The following ZBED1 variants were observed in gnomAD, a reference collection of about 807,000 sequenced individuals.
ZBED1 encodes zinc finger BED-type containing 1.
In ZBED1, 19 loss-of-function variants were observed where a neutral mutation model predicts 49.7. The observed-to-expected ratio is 0.38, with a 90% CI of 0.27 to 0.56. The LOEUF (loss-of-function observed/expected upper bound fraction) is 0.56. Among genes scored for constraint, ZBED1 ranks in the 20% least tolerant of loss-of-function variants. ZBED1 has a pLI of 0.70. For missense variants in ZBED1, 806 were observed against 972.6 expected, an observed-to-expected ratio of 0.83 and a Z score of 2.28; for synonymous variants, 439 against 440.3, an observed-to-expected ratio of 1.00 and a Z score of 0.04.
Position 2,490,211 on chromosome X carries a change from G to A in ZBED1, c.509C>T (p.Thr170Ile). 1 of 1,613,974 alleles carries A rather than the reference G, an allele frequency of 6.2e-7. No individual in the cohort carries two copies. The highest frequency in any genetic ancestry group is 8.5e-7 in the Non-Finnish European group (1 of 1,179,872). ...YELPSRKYIS[T>I]KAIPEKYGAV... is the part of the protein sequence containing the mutation. ...CCCGTACTTCTCAGGGATGGCCTTG[G>A]TAGAGATGTACTTCCGGCTGGGCAG... The change falls in exon 2 of 2, where the codon ACC (threonine) becomes ATC (isoleucine). Residue 170 changes from threonine to isoleucine, a missense_variant. Physicochemically the swap from Thr to Ile is moderately conservative, Grantham distance 89. Coordinates refer to ENST00000652001, the MANE Select transcript of ZBED1 (RefSeq NM_001171136.2).
chrX:2,490,895 C>T (rs1289331230), intron 1 of ZBED1, 123 bp from the exon 2 acceptor site: 20 of 815,112 alleles, frequency 2.5e-5, no homozygotes, highest in Non-Finnish European at 3.7e-5. Context: ...TGGGGCCGGA[C>T]GGCTGGACCT....
In ZBED1 at chrX:2,490,278, T is replaced by C. The variant is rs140653056; in HGVS notation, c.442A>G (p.Thr148Ala). The part of the protein sequence containing the change: ...LYPASIVDEP[T>A]FKVLLKTADP... ...GCCGTCTTCAGCAGCACCTTGAAGG[T>C]GGGCTCGTCCACGATGGAGGCTGGG... is the stretch of plus-strand genomic sequence containing the variant. Residue 148 changes from threonine to alanine, a missense_variant, in exon 2 of 2, where the codon ACC (threonine) becomes GCC (alanine). By Grantham distance (58) the Thr-to-Ala change is moderately conservative. This residue lies in a region of ZBED1 where 749 missense variants were observed against 861.3 expected (regional missense o/e 0.87). Coordinates refer to ENST00000652001, the MANE Select transcript of ZBED1 (RefSeq NM_001171136.2). The C allele has an allele frequency of 1.0e-3, 1,637 of 1,613,718 alleles. 2 individuals carry two copies. The highest frequency in any genetic ancestry group is 1.2e-3 in the Non-Finnish European group (1,467 of 1,179,858).
In ZBED1 at chrX:2,488,681, C is replaced by A. The variant is rs201308386; in HGVS notation, c.2039G>T (p.Gly680Val). Residue 680 changes from glycine (G) to valine (V), a missense_variant, in exon 2 of 2, where the codon GGC becomes GTC. Gly to Val is a moderately radical substitution (Grantham distance 109). Transcript: ENST00000652001. Reference sequence around the variant, plus strand: ...AATGCCAAAGAAACCGCCGCTGACGCCATCCCCCAAGGAGAACACCTGCTC... The same window carrying A: ...AATGCCAAAGAAACCGCCGCTGACGACATCCCCCAAGGAGAACACCTGCTC... ...DQEQVFSLGD[G>V]VSGGFFGIRD... 40 of 1,612,600 alleles carry A rather than the reference C, an allele frequency of 2.5e-5. No homozygotes were observed. The East Asian group carries it at 8.0e-4, about 32-fold the overall frequency.
At position 2,490,160 on chromosome X, in the gene ZBED1, T is replaced by G; in HGVS notation, c.560A>C (p.Glu187Ala). The G allele has an allele frequency of 6.2e-7, 1 of 1,613,956 alleles. No homozygotes were observed. The highest frequency in any genetic ancestry group is 8.5e-7 in the Non-Finnish European group (1 of 1,179,864). ...YGAVREVILK[E>A]LAEATWCGIS... ...GCCACACCAGGTGGCCTCGGCCAGC[T>G]CCTTCAGGATCACCTCCCGGACGGC... Residue 187 changes from glutamate (E) to alanine (A), a missense_variant, in exon 2 of 2, where the codon GAG becomes GCG. By Grantham distance (107) the Glu-to-Ala change is moderately radical. Transcript: ENST00000652001.
Position 2,489,231 on chromosome X carries a change from C to T in ZBED1, c.1489G>A (p.Val497Met), listed in dbSNP as rs761482977. 5.6e-6 allele frequency: 9 copies of T among 1,613,844 alleles called. No homozygotes were observed. The East Asian group carries it at 6.7e-5, about 12-fold the overall frequency. Residue 497 changes from valine to methionine, a missense_variant, in exon 2 of 2, where the codon GTG (valine) becomes ATG (methionine). By Grantham distance (21) the Val-to-Met change is conservative (BLOSUM62 1). This residue lies in a region of ZBED1 where 749 missense variants were observed against 861.3 expected (regional missense o/e 0.87). Coordinates refer to ENST00000652001, the MANE Select transcript of ZBED1 (RefSeq NM_001171136.2). Reference protein sequence around the residue: ...AFERQQVENRVVEEAKGLLDK... With the variant: ...AFERQQVENRMVEEAKGLLDK... ...AGCAGGCCCTTGGCCTCTTCCACCACGCGATTCTCCACCTGCTGCCGCTCG... is the reference window on the plus strand; with the variant it reads ...AGCAGGCCCTTGGCCTCTTCCACCATGCGATTCTCCACCTGCTGCCGCTCG...
Position 2,497,012 on chromosome X carries a change from A to G in ZBED1, c.-54+3805T>C, listed in dbSNP as rs760386975. The stretch of plus-strand genomic sequence containing the variant: ...AAATATGTTTTAAATTTCTGTTTTA[A>G]TGTCTAACAGGATGACTTATTGACT... On this transcript the variant is annotated intron_variant, in intron 1 of 1. Coordinates refer to ENST00000652001, the MANE Select transcript of ZBED1 (RefSeq NM_001171136.2). 3.2e-3 allele frequency among the ~76,000 whole-genome samples: 480 copies of G among 152,188 alleles called. 2 individuals carry two copies. The highest frequency in any genetic ancestry group is 0.011 in the African/African-American group (466 of 41,558).
Position 2,489,774 on chromosome X carries a change from G to C in ZBED1, c.946C>G (p.Arg316Gly). ...TGCTGGAAGTACTCCACCAGTTTGC[G>C]GCAGCGCGACAGCAGCGCCCCCAGC... ...PKLGALLSRC[R>G]KLVEYFQQSA... The change falls in exon 2 of 2, where the codon CGC becomes GGC. Residue 316 changes from arginine to glycine, a missense_variant. Arg to Gly is a moderately radical substitution (Grantham distance 125). Transcript: ENST00000652001. 1 of 1,613,368 alleles carries C rather than the reference G, an allele frequency of 6.2e-7. No individual in the cohort carries two copies. The highest frequency in any genetic ancestry group is 8.5e-7 in the Non-Finnish European group (1 of 1,179,858).
chrX:2,491,323 G>C (rs1228969794), intron 1 of ZBED1, among the ~76,000 whole-genome samples: 2 of 152,182 alleles, frequency 1.3e-5, no homozygotes, highest in Admixed American at 6.5e-5. Flanking sequence ...ACCCGCCTTG[G>C]CCTCCCAAAG....
intron 1 of ZBED1, among the ~76,000 whole-genome samples, chrX:2,498,885 T>C (rs1053821591): frequency 6.6e-6 from 1 of 152,150 alleles, no homozygotes; most frequent in African/African-American, 2.4e-5. Flanking sequence ...CAAACAAACA[T>C]GCTCTCCTGC....
In ZBED1 at chrX:2,490,323, G is replaced by C; in HGVS notation, c.397C>G (p.Leu133Val). 6.2e-7 allele frequency: 1 copy of C among 1,613,252 alleles called. No individual in the cohort carries two copies. The highest frequency in any genetic ancestry group is 1.1e-5 in the South Asian group (1 of 91,030). ...QQELTAAVLG[L>V]ICEGLYPASI... ...GCTGGGTACAGCCCCTCGCAGATGA[G>C]GCCCAGCACGGCGGCCGTCAGCTCC... Residue 133 changes from leucine to valine, a missense_variant, in exon 2 of 2, where the codon CTC (leucine) becomes GTC (valine). Leu to Val is a conservative substitution (Grantham distance 32). Coordinates refer to ENST00000652001, the MANE Select transcript of ZBED1 (RefSeq NM_001171136.2).
rs368093208 is a variant in ZBED1 at position 2,489,066 on chromosome X, A to T, written c.1654T>A (p.Phe552Ile). 3.1e-5 allele frequency: 50 copies of T among 1,613,744 alleles called. No homozygotes were observed. The highest frequency in any genetic ancestry group is 4.0e-5 in the Non-Finnish European group (47 of 1,179,852). The part of the protein sequence containing the change: ...SVINNMLAEI[F>I]CQTGGVEDQE... ...TCCTCCACGCCGCCTGTCTGGCAGAAGATCTCGGCCAGCATGTTGTTGATG... is the reference window on the plus strand; with the variant it reads ...TCCTCCACGCCGCCTGTCTGGCAGATGATCTCGGCCAGCATGTTGTTGATG... Residue 552 changes from phenylalanine (F) to isoleucine (I), a missense_variant, in exon 2 of 2, where the codon TTC (phenylalanine) becomes ATC (isoleucine). Transcript: ENST00000652001.
At chrX:2,494,670 C>G (rs2045238704) in intron 1 of ZBED1, among the ~76,000 whole-genome samples, 2 of 151,790 alleles carry the variant, frequency 1.3e-5, no homozygotes, top group South Asian at 4.2e-4. Context: ...TGTCCCAGTA[C>G]CTGGACCAAA....
chrX:2,488,881 G>C lies in ZBED1; in HGVS notation c.1839C>G (p.Ala613=). The change falls in exon 2 of 2, where the codon GCC becomes GCG. Residue 613 remains alanine (A), a synonymous_variant. Transcript: ENST00000652001. ...KVLQKYWCVT[A]TRVAPERLFG... is the part of the protein sequence containing the mutation. ...AGAGACGCTCAGGGGCGACGCGCGT[G>C]GCCGTCACGCACCAGTACTTCTGCA... The C allele has an allele frequency of 2.5e-6, 4 of 1,611,980 alleles. No homozygotes were observed. Among genetic ancestry groups the C allele is most frequent in the Non-Finnish European group, 3.4e-6 (4 of 1,178,712 alleles).
Position 2,490,739 on chromosome X carries a change from G to A in ZBED1, c.-20C>T, listed in dbSNP as rs201123904. The A allele has an allele frequency of 2.8e-5, 45 of 1,603,902 alleles. No homozygotes were observed. The highest frequency in any genetic ancestry group is 6.8e-6 in the Non-Finnish European group (8 of 1,174,242). ...CTCCATTGCTTCTCCACCGGAGCCTGCCTGCTGGACGGCTGCTCATGCGTG... is the reference window on the plus strand; with the variant it reads ...CTCCATTGCTTCTCCACCGGAGCCTACCTGCTGGACGGCTGCTCATGCGTG... On this transcript the variant is annotated 5_prime_UTR_variant, in exon 2 of 2. Coordinates refer to ENST00000652001, the MANE Select transcript of ZBED1 (RefSeq NM_001171136.2).
At chrX:2,494,396 T>C (rs760007464) in intron 1 of ZBED1, among the ~76,000 whole-genome samples, 1 of 152,074 alleles carries the variant, frequency 6.6e-6, no homozygotes, top group South Asian at 2.1e-4. Context: ...ATTCTATTAT[T>C]ATTACTTTTG....
chrX:2,487,357 T>C lies in ZBED1; in HGVS notation c.*1278A>G, dbSNP rs1476285752. On this transcript the variant is annotated 3_prime_UTR_variant, in exon 2 of 2. Transcript: ENST00000652001. ...ACCGAAGACATAACCTCCGGACCCG[T>C]GAGCCACCCACTTTTGTTTTGTTTT... 4.7e-5 allele frequency: 7 copies of C among 148,306 alleles called. 1 individual carries two copies. The highest frequency in any genetic ancestry group is 6.7e-5 in the Admixed American group (1 of 14,946). The allele number at this position is 148,306 out of a possible 1,614,324, so 9.2% of individuals were successfully genotyped here.
At chrX:2,496,798 A>G (rs976260905) in intron 1 of ZBED1, among the ~76,000 whole-genome samples, 4 of 150,628 alleles carry the variant, frequency 2.7e-5, no homozygotes, top group African/African-American at 9.7e-5. Flanking sequence ...AAAAATATCA[A>G]TTGTTTTTAT....
Position 2,489,271 on chromosome X carries a change from G to C in ZBED1, c.1449C>G (p.Pro483=), listed in dbSNP as rs757340445. 2 of 1,613,974 alleles carry C rather than the reference G, an allele frequency of 1.2e-6. No homozygotes were observed. Among genetic ancestry groups the C allele is most frequent in the Non-Finnish European group, 1.7e-6 (2 of 1,179,850 alleles). ...TFLDPRYKRL[P]FLSAFERQQV... ...GCTGCCGCTCGAAGGCGGAGAGGAA[G>C]GGCAGCCTCTTGTAGCGGGGGTCCA... is the stretch of plus-strand genomic sequence containing the variant. The change falls in exon 2 of 2, where the codon CCC becomes CCG. Residue 483 remains proline, a synonymous_variant. Coordinates refer to ENST00000652001, the MANE Select transcript of ZBED1 (RefSeq NM_001171136.2).
In ZBED1 at chrX:2,500,877, C is replaced by T. The variant is rs1307525380; in HGVS notation, c.-114G>A. On this transcript the variant is annotated 5_prime_UTR_variant, in exon 1 of 2. Transcript: ENST00000652001. ...AGCTGCGCCAGGATCACCGCGGCGC[C>T]TACCGCGTAGACCCGCAGGGCCGCC... 2.7e-5 allele frequency: 31 copies of T among 1,157,878 alleles called. No homozygotes were observed. Among genetic ancestry groups the T allele is most frequent in the Middle Eastern group, 7.2e-4 (2 of 2,764 alleles). The allele number at this position is 1,157,878 out of a possible 1,614,324, so 71.7% of individuals were successfully genotyped here.
Sources: allele counts gnomAD v4.1 joint callset (sites outside exome capture counted in the v4.1 genomes callset), GRCh38; gene constraint gnomAD v4.1.1; regional missense constraint gnomAD v4.1.1; transcripts MANE v1.5; gene names NCBI Gene and HGNC (gene_info 2026-07-23, HGNC 2026-07-21).